DPY19L2: variants seen among roughly 807,000 people sequenced by gnomAD.
DPY19L2 encodes the protein dpy-19 like 2.
A neutral mutation model predicts 97.9 loss-of-function variants in DPY19L2; 34 were observed. The ratio of observed to expected loss-of-function variants is 0.35; its 90% CI spans 0.26 to 0.46. The LOEUF is 0.46. DPY19L2 is among the 20% of genes least tolerant of loss of function. The probability of loss-of-function intolerance (pLI) is 1.00; values close to 1 mark genes in which losing one functional copy is unlikely to be tolerated. For missense variants in DPY19L2, 623 were observed against 911.4 expected, an observed-to-expected ratio of 0.68 and a Z score of 4.07; for synonymous variants, 230 against 307.9, an observed-to-expected ratio of 0.75 and a Z score of 2.65.
chr12:63,643,912 G>A (rs527513410), intron 6 of DPY19L2, among the ~76,000 whole-genome samples: 10 of 152,108 alleles, frequency 6.6e-5, no homozygotes, highest in Admixed American at 1.3e-4. Flanking sequence ...CAAAACACAC[G>A]ACCGTTGAAA....
chr12:63,641,410 A>G (rs1196911976), intron 6 of DPY19L2, among the ~76,000 whole-genome samples: 1 of 152,054 alleles, frequency 6.6e-6, no homozygotes, highest in African/African-American at 2.4e-5. Context: ...TAGAGAAATT[A>G]TTATACTGAG....
At chr12:63,569,551 T>C (rs1878409235) in intron 20 of DPY19L2, 1 of 384,384 alleles carries the variant, frequency 2.6e-6, no homozygotes, top group Admixed American at 4.2e-5. Context: ...CTTACAGCAA[T>C]TTAATTTTGC....
chr12:63,634,690 C>T (rs563595391), intron 6 of DPY19L2, among the ~76,000 whole-genome samples: 2 of 152,264 alleles, frequency 1.3e-5, no homozygotes, highest in South Asian at 4.1e-4. Context: ...ACTGCTAGCA[C>T]AGCAGTCTGA....
chr12:63,628,424 A>G (rs1054851378), intron 6 of DPY19L2, among the ~76,000 whole-genome samples: 18 of 152,260 alleles, frequency 1.2e-4, no homozygotes, highest in African/African-American at 2.6e-4. Flanking sequence ...ATTATATCAC[A>G]CACCTGGCTC....
intron 12 of DPY19L2, among the ~76,000 whole-genome samples, chr12:63,608,239 G>T (rs1433969676): frequency 1.3e-5 from 2 of 152,132 alleles, no homozygotes; most frequent in Admixed American, 6.5e-5. Context: ...GCAGAGGAAA[G>T]AAAAGGAGAA....
At chr12:63,628,604 G>C (rs976633975) in intron 6 of DPY19L2, among the ~76,000 whole-genome samples, 1 of 152,102 alleles carries the variant, frequency 6.6e-6, no homozygotes, top group African/African-American at 2.4e-5. Flanking sequence ...ACAGCTCAAC[G>C]AGGCCTCCCT....
chr12:63,593,518 T>C (rs926700212), intron 16 of DPY19L2, among the ~76,000 whole-genome samples: 1 of 152,140 alleles, frequency 6.6e-6, no homozygotes, highest in Non-Finnish European at 1.5e-5. Context: ...GAAATCATCA[T>C]TCTCAGTAAA....
chr12:63,634,076 A>C (rs4044649), intron 6 of DPY19L2, among the ~76,000 whole-genome samples: 7 of 148,422 alleles, frequency 4.7e-5, no homozygotes, highest in Admixed American at 2.0e-4. Context: ...GGTGCGGGGA[A>C]GGGGGAGGGA....
chr12:63,593,916 A>T (rs2137497463), intron 16 of DPY19L2, among the ~76,000 whole-genome samples, 171 bp downstream of exon 16: 1 of 152,266 alleles, frequency 6.6e-6, no homozygotes, highest in South Asian at 2.1e-4. Context: ...AAATACATAT[A>T]AGAAATCTGT....
intron 4 of DPY19L2, among the ~76,000 whole-genome samples, chr12:63,657,030 C>T (rs1030098270): frequency 5.3e-5 from 8 of 152,162 alleles, no homozygotes; most frequent in Admixed American, 3.3e-4. Flanking sequence ...CTGATGACTG[C>T]TCTGTCTCTT....
At position 63,661,333 on chromosome 12, in the gene DPY19L2, T is replaced by C; in HGVS notation, c.588+11A>G. 1 of 1,564,316 alleles carries C rather than the reference T, an allele frequency of 6.4e-7. No homozygotes were observed. The highest frequency in any genetic ancestry group is 1.2e-5 in the South Asian group (1 of 82,126). ...CTCTACAAATATTATTTGTCTCAAA[T>C]TATGACTCACCTCTGGATAAAGATG... On this transcript the variant is annotated intron_variant, in intron 4 of 21. Transcript: ENST00000324472.
intron 6 of DPY19L2, among the ~76,000 whole-genome samples, chr12:63,629,627 G>A (rs976592107): frequency 2.6e-5 from 4 of 152,164 alleles, no homozygotes; most frequent in African/African-American, 4.8e-5. Context: ...ATGGAACCAA[G>A]TTGGAAAACA....
chr12:63,643,156 T>C (rs1175665361), intron 6 of DPY19L2, among the ~76,000 whole-genome samples: 1 of 152,086 alleles, frequency 6.6e-6, no homozygotes, highest in Non-Finnish European at 1.5e-5. Context: ...ACTGTATCCA[T>C]AAACTTTTAA....
At chr12:63,562,135 A>G (rs1876659354) in intron 21 of DPY19L2, among the ~76,000 whole-genome samples, 1 of 152,160 alleles carries the variant, frequency 6.6e-6, no homozygotes, top group African/African-American at 2.4e-5. Context: ...TAATTACTCA[A>G]TAAGCTGCAC....
At chr12:63,643,195 C>G (rs1413949885) in intron 6 of DPY19L2, among the ~76,000 whole-genome samples, 1 of 151,786 alleles carries the variant, frequency 6.6e-6, no homozygotes, top group Non-Finnish European at 1.5e-5. Flanking sequence ...ATGTAATCTA[C>G]TTTTAAGAAC....
At chr12:63,620,157 G>A (rs1888458703) in intron 9 of DPY19L2, 1 of 307,484 alleles carries the variant, frequency 3.3e-6, no homozygotes, top group Non-Finnish European at 6.4e-6. Context: ...ATCATGAAAT[G>A]TCATCAAAAT....
chr12:63,634,589 G>A (rs574822123), intron 6 of DPY19L2, among the ~76,000 whole-genome samples: 47 of 152,226 alleles, frequency 3.1e-4, no homozygotes, highest in African/African-American at 1.0e-3. Context: ...ACCCTAATAC[G>A]GCACTTTTCC....
chr12:63,600,728 A>G (rs12227676), intron 12 of DPY19L2, among the ~76,000 whole-genome samples: 60,089 of 150,174 alleles, frequency 0.4, 12,057 homozygotes, highest in East Asian at 0.48. Context: ...TTGAACAAAG[A>G]AAAAAACCCG....
intron 8 of DPY19L2, among the ~76,000 whole-genome samples, chr12:63,622,309 A>C (rs1888823039): frequency 3.9e-5 from 6 of 152,166 alleles, no homozygotes. Flanking sequence ...ACTGGGAATG[A>C]ATAGCAAGGG....
Sources: allele counts gnomAD v4.1 joint callset (sites outside exome capture counted in the v4.1 genomes callset), GRCh38; gene constraint gnomAD v4.1.1; transcripts MANE v1.5; gene names NCBI Gene and HGNC (gene_info 2026-07-23, HGNC 2026-07-21).